Variants in ASAP1 observed in about 807,000 individuals in gnomAD.
The protein encoded by ASAP1 is ArfGAP with SH3 domain, ankyrin repeat and PH domain 1.
ASAP1 carries 43 observed loss-of-function variants against 145.2 expected under a neutral mutation model. The ratio of observed to expected loss-of-function variants is 0.30; its 90% confidence interval spans 0.23 to 0.38. The LOEUF is 0.38. Ranked by LOEUF, ASAP1 falls within the 10% of genes least tolerant of loss-of-function variation. The pLI, the probability that ASAP1 is intolerant of heterozygous loss-of-function variation, is 1.00. For synonymous variants in ASAP1, 546 were observed against 515.5 expected, an observed-to-expected ratio of 1.06 and a Z score of -0.80; for missense variants, 1,018 against 1,355.3, an observed-to-expected ratio of 0.75 and a Z score of 3.91.
intron 1 of ASAP1, among the ~76,000 whole-genome samples, chr8:130,422,517 C>T (rs1411019364): frequency 1.3e-5 from 2 of 152,192 alleles, no homozygotes; most frequent in East Asian, 3.8e-4. Flanking sequence ...TCCCTTGCCT[C>T]GGGCTTCTCT....
intron 9 of ASAP1, among the ~76,000 whole-genome samples, chr8:130,171,539 T>C (rs1813597057): frequency 6.6e-6 from 1 of 152,166 alleles, no homozygotes. Context: ...ACTGCCCCCA[T>C]GACTCAATTA....
At chr8:130,425,652 G>C (rs1829889878) in intron 1 of ASAP1, among the ~76,000 whole-genome samples, 1 of 152,220 alleles carries the variant, frequency 6.6e-6, no homozygotes, top group African/African-American at 2.4e-5. Flanking sequence ...TGGGAGCACT[G>C]AAGATGGCTC....
chr8:130,254,135 AT>A (rs1819373380), intron 3 of ASAP1, among the ~76,000 whole-genome samples: 1 of 152,250 alleles, frequency 6.6e-6, no homozygotes, highest in Admixed American at 6.5e-5. Context: ...GTGGAGTAAA[AT>A]GTGACAAAAA....
rs1286153324 is a variant in ASAP1, at chr8:130,118,158, T to C, written c.1880+3A>G. The stretch of plus-strand genomic sequence containing the variant: ...AATTCAACAGAGAAAACAAAAACGA[T>C]ACCAGTTTTGTACAAGGAAGTCAAC... On this transcript the variant is annotated splice_donor_region_variant and intron_variant, in intron 20 of 29. Transcript: ENST00000518721. 1 of 1,612,792 alleles carries C rather than the reference T, an allele frequency of 6.2e-7. No homozygotes were observed. Among genetic ancestry groups the C allele is most frequent in the Admixed American group, 1.7e-5 (1 of 59,960 alleles).
rs748808981 is a variant in ASAP1 at position 130,159,887 on chromosome 8, C to T, written c.987G>A (p.Gly329=). The T allele has an allele frequency of 1.5e-5, 24 of 1,613,908 alleles. No homozygotes were observed. Among genetic ancestry groups the T allele is most frequent in the East Asian group, 2.2e-5 (1 of 44,890 alleles). ...ACCCGTCACTTTTCTTTAGCAGGTA[C>T]CCCTTCTTTTCACTGCCATATTCCT... ...GNKEYGSEKK[G]YLLKKSDGIR... is the part of the protein sequence containing the mutation. Residue 329 remains glycine (G), a synonymous_variant, in exon 12 of 30, where the codon GGG becomes GGA. Coordinates refer to ENST00000518721, the MANE Select transcript of ASAP1 (RefSeq NM_018482.4).
intron 23 of ASAP1, among the ~76,000 whole-genome samples, chr8:130,115,208 G>T (rs991826242): frequency 6.6e-6 from 1 of 152,106 alleles, no homozygotes; most frequent in Non-Finnish European, 1.5e-5. Flanking sequence ...TCATGATGTG[G>T]GTGTGCCTCA....
intron 3 of ASAP1, among the ~76,000 whole-genome samples, chr8:130,275,260 C>G (rs141160705): frequency 6.6e-6 from 1 of 152,218 alleles, no homozygotes; most frequent in South Asian, 2.1e-4. Context: ...CTGGCCCTAA[C>G]AGAAAGAAGT....
chr8:130,290,617 T>C (rs1170677536), intron 3 of ASAP1, among the ~76,000 whole-genome samples: 2 of 152,164 alleles, frequency 1.3e-5, no homozygotes, highest in Admixed American at 6.5e-5. Flanking sequence ...CTCATTCCAG[T>C]GGTGGTCATT....
At chr8:130,233,883 C>T (rs776738823) in intron 4 of ASAP1, among the ~76,000 whole-genome samples, 1 of 152,090 alleles carries the variant, frequency 6.6e-6, no homozygotes, top group Non-Finnish European at 1.5e-5. Flanking sequence ...ACTACAAAAA[C>T]GAAAAACATA....
chr8:130,172,701 A>G (rs1031904487), intron 9 of ASAP1, among the ~76,000 whole-genome samples: 2 of 152,248 alleles, frequency 1.3e-5, no homozygotes, highest in Admixed American at 1.3e-4. Context: ...TCTACTGGAC[A>G]ACACTCTAGA....
chr8:130,155,505 T>C (rs1451819803), intron 12 of ASAP1, among the ~76,000 whole-genome samples: 1 of 152,206 alleles, frequency 6.6e-6, no homozygotes, highest in Admixed American at 6.5e-5. Context: ...TAGCTGGGCC[T>C]ACAAGCATGT....
intron 5 of ASAP1, 30 bp from the exon 6 acceptor site, chr8:130,188,213 GT>G (rs753413869): frequency 1.2e-5 from 18 of 1,560,694 alleles, no homozygotes; most frequent in Non-Finnish European, 1.6e-5. Context: ...ATGGGAGATG[GT>G]TAAAAAATAA....
chr8:130,333,317 G>C (rs974875080), intron 3 of ASAP1, among the ~76,000 whole-genome samples: 1 of 152,166 alleles, frequency 6.6e-6, no homozygotes, highest in Non-Finnish European at 1.5e-5. Flanking sequence ...AAAAGGCATG[G>C]CTGGCTGGGC....
chr8:130,060,620 G>C lies in ASAP1; in HGVS notation c.3151C>G (p.Leu1051Val). 1.2e-6 allele frequency: 2 copies of C among 1,614,074 alleles called. No homozygotes were observed. The highest frequency in any genetic ancestry group is 1.7e-6 in the Non-Finnish European group (2 of 1,179,972). Residue 1051 changes from leucine (L) to valine (V), a missense_variant, in exon 28 of 30, where the codon CTG becomes GTG. By Grantham distance (32) the Leu-to-Val change is conservative (BLOSUM62 1). Transcript: ENST00000518721. ...SEDSNDLTPT[L>V]PETPVPLPRK... ...GGCAGTGGTACGGGCGTCTCTGGCA[G>C]AGTAGGCGTGAGGTCGTTGGAGTCT...
chr8:130,095,294 ATTTTTTT>A (rs71302392), intron 24 of ASAP1, among the ~76,000 whole-genome samples: 4 of 95,706 alleles, frequency 4.2e-5, no homozygotes, highest in Admixed American at 3.6e-4. Flanking sequence ...TAGGCCAGTG[ATTTTTTT>A]TTTTTTTTTT....
At position 130,054,351 on chromosome 8, in the gene ASAP1, AAT is replaced by A. The variant is rs2097399004; in HGVS notation, c.*378_*379del. ...TTGCATTTTCAGTAACACAATTGAG[AAT>A]ACTGCATTGTTAGGAACAGAGTCAA... On this transcript the variant is annotated 3_prime_UTR_variant, in exon 30 of 30. Transcript: ENST00000518721. The A allele has an allele frequency of 5.6e-6, 1 of 180,046 alleles. No homozygotes were observed. Among genetic ancestry groups the A allele is most frequent in the East Asian group, 1.3e-4 (1 of 7,426 alleles). The allele number at this position is 180,046 out of a possible 1,614,324, so 11.2% of individuals were successfully genotyped here. A position where few individuals can be genotyped will look rare whatever the true frequency, so the allele number is the denominator to read the frequency against.
chr8:130,081,801 A>G (rs915145839), intron 25 of ASAP1, among the ~76,000 whole-genome samples: 1 of 152,182 alleles, frequency 6.6e-6, no homozygotes, highest in Non-Finnish European at 1.5e-5. Flanking sequence ...TGTGCTCTTC[A>G]TTACCCATCA....
At chr8:130,418,325 G>A (rs186614651) in intron 1 of ASAP1, among the ~76,000 whole-genome samples, 2 of 152,248 alleles carry the variant, frequency 1.3e-5, no homozygotes, top group East Asian at 1.9e-4. Flanking sequence ...CCAGGCGGGC[G>A]GATCATGAGG....
intron 2 of ASAP1, among the ~76,000 whole-genome samples, chr8:130,359,759 G>T (rs1389277103): frequency 1.3e-5 from 2 of 152,086 alleles, no homozygotes; most frequent in East Asian, 3.9e-4. Flanking sequence ...GAGTAGCTGG[G>T]ACTACAGGCG....
Sources: allele counts gnomAD v4.1 joint callset (sites outside exome capture counted in the v4.1 genomes callset), GRCh38; gene constraint gnomAD v4.1.1; transcripts MANE v1.5; gene names NCBI Gene and HGNC (gene_info 2026-07-23, HGNC 2026-07-21).